The following CAMK1D variants were observed in gnomAD, a reference collection of about 807,000 sequenced individuals.
The protein encoded by CAMK1D is calcium/calmodulin dependent protein kinase ID, also known as calcium/calmodulin-dependent protein kinase type 1D.
A neutral mutation model predicts 47.7 loss-of-function variants in CAMK1D; 9 were observed. The observed-to-expected ratio is 0.19, with a 90% confidence interval of 0.11 to 0.33. The LOEUF is 0.33. Among genes scored for constraint, CAMK1D ranks in the 10% least tolerant of loss-of-function variants. The pLI is 1.00. For missense variants in CAMK1D, 291 were observed against 488.7 expected, an observed-to-expected ratio of 0.60 and a Z score of 3.81; for synonymous variants, 184 against 184.9, an observed-to-expected ratio of 0.99 and a Z score of 0.04.
intron 1 of CAMK1D, among the ~76,000 whole-genome samples, chr10:12,409,346 A>G (rs930704830): frequency 1.3e-5 from 2 of 152,214 alleles, no homozygotes; most frequent in East Asian, 1.9e-4. Context: ...CTACAGATGA[A>G]TAAGTTACAC....
intron 10 of CAMK1D, among the ~76,000 whole-genome samples, chr10:12,828,036 A>G (rs530914851): frequency 6.6e-6 from 1 of 152,336 alleles, no homozygotes; most frequent in South Asian, 2.1e-4. Flanking sequence ...ACAACACACC[A>G]ACCAAGGGTA....
chr10:12,792,829 A>G (rs1838036780), intron 6 of CAMK1D, among the ~76,000 whole-genome samples: 1 of 152,226 alleles, frequency 6.6e-6, no homozygotes, highest in South Asian at 2.1e-4. Flanking sequence ...TTGCACTTAC[A>G]GAATGCTTTC....
intron 3 of CAMK1D, among the ~76,000 whole-genome samples, chr10:12,753,078 C>T (rs528990341): frequency 1.3e-5 from 2 of 152,202 alleles, no homozygotes; most frequent in South Asian, 2.1e-4. Context: ...ATGGTGAAAC[C>T]CCATCTCTAC....
At chr10:12,778,156 G>C (rs1409823379) in intron 5 of CAMK1D, among the ~76,000 whole-genome samples, 1 of 152,218 alleles carries the variant, frequency 6.6e-6, no homozygotes, top group Non-Finnish European at 1.5e-5. Flanking sequence ...TTCAATTTGT[G>C]AATCACCATT....
chr10:12,643,392 G>A (rs1839720416), intron 2 of CAMK1D, among the ~76,000 whole-genome samples: 1 of 152,162 alleles, frequency 6.6e-6, no homozygotes, highest in Non-Finnish European at 1.5e-5. Flanking sequence ...GGGCTGTTAG[G>A]AGCAGGGCTG....
intron 4 of CAMK1D, among the ~76,000 whole-genome samples, chr10:12,763,716 T>G (rs1836612696): frequency 1.3e-5 from 2 of 152,350 alleles, no homozygotes; most frequent in South Asian, 2.1e-4. Context: ...AGGAATGTGA[T>G]TATGGATAAC....
intron 2 of CAMK1D, among the ~76,000 whole-genome samples, chr10:12,611,108 T>C (rs1838606366): frequency 6.6e-6 from 1 of 152,058 alleles, no homozygotes; most frequent in African/African-American, 2.4e-5. Context: ...CATAAGAGAG[T>C]GTCAGAACCA....
At chr10:12,396,412 C>T (rs1375628546) in intron 1 of CAMK1D, among the ~76,000 whole-genome samples, 3 of 152,204 alleles carry the variant, frequency 2.0e-5, no homozygotes, top group African/African-American at 7.2e-5. Flanking sequence ...CCTCTCAGGG[C>T]TTATGCCCAG....
At chr10:12,636,555 T>C (rs772329621) in intron 2 of CAMK1D, among the ~76,000 whole-genome samples, 1 of 152,176 alleles carries the variant, frequency 6.6e-6, no homozygotes, top group Non-Finnish European at 1.5e-5. Context: ...CTCAAACTCC[T>C]GGGATCAAGC....
intron 1 of CAMK1D, among the ~76,000 whole-genome samples, chr10:12,386,137 G>A (rs954914216): frequency 7.9e-5 from 12 of 152,148 alleles, no homozygotes; most frequent in African/African-American, 4.8e-5. Context: ...ATTTCCTATG[G>A]CAACTGAAAG....
intron 2 of CAMK1D, among the ~76,000 whole-genome samples, chr10:12,660,501 G>A (rs1840244606): frequency 6.6e-6 from 1 of 152,174 alleles, no homozygotes; most frequent in South Asian, 2.1e-4. Flanking sequence ...ATTTTAAAAT[G>A]TTTTCTTGGC....
intron 3 of CAMK1D, among the ~76,000 whole-genome samples, chr10:12,749,859 G>C (rs1356396055): frequency 6.6e-6 from 1 of 152,188 alleles, no homozygotes; most frequent in Non-Finnish European, 1.5e-5. Flanking sequence ...CTCCCAAAGT[G>C]CTGGGATGAC....
intron 1 of CAMK1D, among the ~76,000 whole-genome samples, chr10:12,445,985 G>A (rs192710327): frequency 3.6e-4 from 55 of 152,284 alleles, no homozygotes; most frequent in African/African-American, 1.3e-3. Context: ...GGAAATAAAG[G>A]TATTCTGTGT....
chr10:12,387,203 C>CAAA (rs1252530894), intron 1 of CAMK1D, among the ~76,000 whole-genome samples: 1 of 101,934 alleles, frequency 9.8e-6, no homozygotes. Context: ...GACTCCATCT[C>CAAA]AAAAAAAAAA....
At chr10:12,506,016 G>T (rs372326714) in intron 1 of CAMK1D, among the ~76,000 whole-genome samples, 4 of 152,208 alleles carry the variant, frequency 2.6e-5, no homozygotes, top group Admixed American at 2.0e-4. Context: ...TCCTAGATGT[G>T]TGAAGATGGC....
At chr10:12,819,144 A>G (rs1461364982) in intron 8 of CAMK1D, among the ~76,000 whole-genome samples, 3 of 152,166 alleles carry the variant, frequency 2.0e-5, no homozygotes, top group African/African-American at 4.8e-5. Flanking sequence ...GGAAAAAACA[A>G]AGAAGGGAGA....
chr10:12,565,198 A>C (rs1200835352), intron 2 of CAMK1D, among the ~76,000 whole-genome samples: 1 of 152,154 alleles, frequency 6.6e-6, no homozygotes, highest in African/African-American at 2.4e-5. Context: ...GTGACAGAGC[A>C]AGACCCTGTC....
chr10:12,799,772 G>A (rs1435144238), intron 6 of CAMK1D, among the ~76,000 whole-genome samples: 1 of 152,102 alleles, frequency 6.6e-6, no homozygotes, highest in Non-Finnish European at 1.5e-5. Flanking sequence ...CACATGCTCC[G>A]GGCTTTCTCG....
rs113221014 is a variant in CAMK1D, at chr10:12,361,594, G to T, written c.92+11684G>T. Among the ~76,000 whole-genome samples the T allele has an allele frequency of 1.9e-4, 25 of 129,904 alleles. No individual in the cohort carries two copies. The South Asian group carries it at 6.2e-3, about 32-fold the overall frequency. 85.2% of individuals were successfully genotyped at this position (129,904 alleles called of 152,430 possible). A position where few individuals can be genotyped will look rare whatever the true frequency, so the allele number is the denominator to read the frequency against. On this transcript the variant is annotated intron_variant, in intron 1 of 10. Coordinates refer to ENST00000619168, the MANE Select transcript of CAMK1D (RefSeq NM_153498.4). The stretch of plus-strand genomic sequence containing the variant: ...TAATTGAGATGGAGTCTCGCTCTGT[G>T]GCCCAGGCTGGAGTGCAGTGGCGTA...
Sources: allele counts gnomAD v4.1 joint callset (sites outside exome capture counted in the v4.1 genomes callset), GRCh38; gene constraint gnomAD v4.1.1; transcripts MANE v1.5; gene names NCBI Gene and HGNC (gene_info 2026-07-23, HGNC 2026-07-21).